Variants in ITCH observed in about 807,000 individuals in gnomAD.
ITCH encodes itchy E3 ubiquitin protein ligase.
ITCH carries 28 observed loss-of-function variants against 126.8 expected under a neutral mutation model. The ratio of observed to expected loss-of-function variants is 0.22; its 90% CI spans 0.16 to 0.30. ITCH has a LOEUF of 0.30. Among genes scored for constraint, ITCH ranks in the 10% least tolerant of loss-of-function variants. ITCH has a pLI of 1.00. For synonymous variants in ITCH, 342 were observed against 340.0 expected (o/e 1.01, Z -0.06); for missense variants, 631 against 1,032.4 (o/e 0.61, Z 5.33).
intron 7 of ITCH, among the ~76,000 whole-genome samples, chr20:34,424,795 C>G (rs1189240261): frequency 2.0e-5 from 3 of 152,168 alleles, no homozygotes; most frequent in Non-Finnish European, 4.4e-5. Context: ...GCAGGGTGTT[C>G]TAAACTCCAG....
intron 2 of ITCH, among the ~76,000 whole-genome samples, chr20:34,371,942 A>G (rs761089716): frequency 6.6e-6 from 1 of 152,136 alleles, no homozygotes. Context: ...TCTGTGCTTT[A>G]TGTGCTAACT....
intron 11 of ITCH, among the ~76,000 whole-genome samples, chr20:34,448,134 A>G (rs1984696003): frequency 6.6e-6 from 1 of 152,140 alleles, no homozygotes; most frequent in South Asian, 2.1e-4. Context: ...TCACACCTGT[A>G]CTCCCAGCAC....
rs4911428 is a variant in ITCH, at chr20:34,507,785, A to C, written c.2580A>C (p.Gly860=). 1 of 1,612,746 alleles carries C rather than the reference A, an allele frequency of 6.2e-7. No homozygotes were observed. Among genetic ancestry groups the C allele is most frequent in the African/African-American group, 1.3e-5 (1 of 74,900 alleles). The change falls in exon 25 of 25, where the codon GGA becomes GGC. Residue 860 remains glycine (G), a synonymous_variant. Transcript: ENST00000374864. ...CCATAGAAGAAACAGAAGGATTTGG[A>C]CAAGAGTAACTTCTGAGAACTTGCA... is the stretch of plus-strand genomic sequence containing the variant. ...LFAIEETEGF[G]QE is the part of the protein sequence containing the mutation.
intron 23 of ITCH, among the ~76,000 whole-genome samples, chr20:34,493,560 C>G (rs939149940): frequency 6.6e-6 from 1 of 152,032 alleles, no homozygotes; most frequent in Non-Finnish European, 1.5e-5. Flanking sequence ...AAAGGAGAAA[C>G]AGGTAGAGAG....
intron 3 of ITCH, among the ~76,000 whole-genome samples, chr20:34,403,272 T>C (rs2038947983): frequency 6.6e-6 from 1 of 152,158 alleles, no homozygotes; most frequent in Non-Finnish European, 1.5e-5. Context: ...TATTGTAAAA[T>C]GTTTATGTTG....
chr20:34,401,707 A>T, intron 3 of ITCH: 1 of 806,548 alleles, frequency 1.2e-6, no homozygotes. Flanking sequence ...CCACTGGTTA[A>T]TGAATTAAAA....
At chr20:34,408,575 A>T in intron 3 of ITCH, 76 bp from the exon 4 acceptor site, 1 of 1,353,734 alleles carries the variant, frequency 7.4e-7, no homozygotes, top group Non-Finnish European at 1.0e-6. Context: ...AAATCTGCCT[A>T]ATTATGAAGT....
chr20:34,485,596 G>A (rs1467533735), intron 20 of ITCH, among the ~76,000 whole-genome samples: 1 of 151,976 alleles, frequency 6.6e-6, no homozygotes, highest in Non-Finnish European at 1.5e-5. Flanking sequence ...GTGATTGTTG[G>A]AGTTCTTAAA....
At chr20:34,456,736 C>T (rs1218841681) in intron 12 of ITCH, among the ~76,000 whole-genome samples, 2 of 150,096 alleles carry the variant, frequency 1.3e-5, no homozygotes, top group African/African-American at 4.9e-5. Context: ...GCTGCCAGCA[C>T]GGCCCACTAA....
intron 10 of ITCH, among the ~76,000 whole-genome samples, chr20:34,444,603 G>A (rs1490894647): frequency 6.6e-6 from 1 of 151,982 alleles, no homozygotes; most frequent in Non-Finnish European, 1.5e-5. Flanking sequence ...AAAAAAGATA[G>A]GAAGTTAGTT....
chr20:34,492,506 TAAAG>T lies in ITCH; in HGVS notation c.2329_2332del (p.Glu777LeufsTer7). On this transcript the variant is annotated frameshift_variant, in exon 23 of 25. Transcript: ENST00000374864. LOFTEE classifies it high-confidence loss of function. Reference sequence around the variant, plus strand: ...TTTAAATATACTTTTAACAGTTTGTTAAAGAAATTGATAATGAGAAGAGAATGAG... The same window carrying T: ...TTTAAATATACTTTTAACAGTTTGTTAAATTGATAATGAGAAGAGAATGAG... 1 of 1,588,536 alleles carries T rather than the reference TAAAG, an allele frequency of 6.3e-7. No individual in the cohort carries two copies. Among genetic ancestry groups the T allele is most frequent in the Non-Finnish European group, 8.6e-7 (1 of 1,156,602 alleles).
At chr20:34,429,912 A>G (rs1982062217) in intron 7 of ITCH, among the ~76,000 whole-genome samples, 1 of 152,200 alleles carries the variant, frequency 6.6e-6, no homozygotes, top group Non-Finnish European at 1.5e-5. Context: ...TGCATGTCTT[A>G]GAGGAATTGG....
intron 24 of ITCH, among the ~76,000 whole-genome samples, chr20:34,504,636 T>C (rs1035481222): frequency 6.6e-6 from 1 of 152,198 alleles, no homozygotes; most frequent in Non-Finnish European, 1.5e-5. Context: ...TTTAGAGTTA[T>C]TTTAACTTTT....
chr20:34,505,821 T>C (rs1600518643), intron 24 of ITCH, among the ~76,000 whole-genome samples: 1 of 152,238 alleles, frequency 6.6e-6, no homozygotes, highest in East Asian at 1.9e-4. Context: ...CCCAAAGTCC[T>C]GGGATTACAG....
At chr20:34,507,544 T>G in intron 24 of ITCH, 151 bp from the exon 25 acceptor site, 1 of 637,738 alleles carries the variant, frequency 1.6e-6, no homozygotes, top group South Asian at 1.7e-5. Flanking sequence ...TTTTTTCCCA[T>G]TTTTGGGTTA....
intron 2 of ITCH, among the ~76,000 whole-genome samples, chr20:34,386,030 C>T (rs553248477): frequency 5.2e-4 from 79 of 151,988 alleles, no homozygotes; most frequent in Non-Finnish European, 1.0e-3. Flanking sequence ...CTGCTCCAAT[C>T]TAAATAAACT....
intron 6 of ITCH, 40 bp from the exon 7 acceptor site, chr20:34,424,440 C>T: frequency 6.5e-7 from 1 of 1,530,598 alleles, no homozygotes. Flanking sequence ...GAAAACTACT[C>T]TCTTGAAACT....
intron 9 of ITCH, 177 bp from the exon 10 acceptor site, chr20:34,442,031 G>C (rs2146292822): frequency 1.6e-6 from 1 of 641,056 alleles, no homozygotes; most frequent in East Asian, 2.8e-5. Context: ...GTGTGCCACT[G>C]CCTGAAGATT....
At chr20:34,462,531 C>T (rs972315080) in intron 14 of ITCH, among the ~76,000 whole-genome samples, 5 of 152,092 alleles carry the variant, frequency 3.3e-5, no homozygotes, top group East Asian at 1.9e-4. Context: ...AACTTTTTGA[C>T]GTTAAAAAAG....
Sources: gnomAD v4.1 joint callset for allele counts (sites outside exome capture counted in the v4.1 genomes callset) on GRCh38, gnomAD v4.1.1 for gene constraint, MANE v1.5 for transcripts, NCBI Gene and HGNC (gene_info 2026-07-23, HGNC 2026-07-21) for gene names.